PRKCE: variants seen among roughly 807,000 people sequenced by gnomAD.
PRKCE encodes protein kinase C epsilon type.
A neutral mutation model predicts 85.4 loss-of-function variants in PRKCE; 16 were observed. The observed-to-expected ratio is 0.19, with a 90% CI of 0.13 to 0.28. The LOEUF (loss-of-function observed/expected upper bound fraction) is 0.28. PRKCE is among the 10% of genes least tolerant of loss of function. PRKCE has a pLI of 1.00. For missense variants in PRKCE, 573 were observed against 975.2 expected, an observed-to-expected ratio of 0.59 and a Z score of 5.49; for synonymous variants, 388 against 371.5, an observed-to-expected ratio of 1.04 and a Z score of -0.51.
chr2:45,839,124 T>C (rs1284191487), intron 1 of PRKCE, among the ~76,000 whole-genome samples: 152 of 111,862 alleles, frequency 1.4e-3, no homozygotes, highest in African/African-American at 5.4e-3. Flanking sequence ...GGGTGCTTAG[T>C]TAAAAAAAAA....
At chr2:46,079,045 C>T (rs1250079166) in intron 10 of PRKCE, among the ~76,000 whole-genome samples, 1 of 151,900 alleles carries the variant, frequency 6.6e-6, no homozygotes. Context: ...GGTGTGGTGG[C>T]GTGTGCCTGT....
intron 14 of PRKCE, among the ~76,000 whole-genome samples, chr2:46,180,787 T>C (rs1471575378): frequency 6.6e-6 from 1 of 152,142 alleles, no homozygotes; most frequent in Non-Finnish European, 1.5e-5. Context: ...GTGTGACAGA[T>C]GGAAAGACCA....
chr2:45,935,116 T>A (rs1023218487), intron 2 of PRKCE, among the ~76,000 whole-genome samples: 1 of 151,258 alleles, frequency 6.6e-6, no homozygotes, highest in Non-Finnish European at 1.5e-5. Flanking sequence ...ATGGAAATCA[T>A]AGATAATGTT....
At chr2:46,170,905 C>A (rs1468186876) in intron 14 of PRKCE, among the ~76,000 whole-genome samples, 1 of 152,176 alleles carries the variant, frequency 6.6e-6, no homozygotes, top group African/African-American at 2.4e-5. Context: ...GGAACTGGGC[C>A]TTTGCCAGGG....
intron 10 of PRKCE, among the ~76,000 whole-genome samples, chr2:46,018,810 T>C (rs1706392424): frequency 6.6e-6 from 1 of 152,266 alleles, no homozygotes; most frequent in South Asian, 2.1e-4. Context: ...TCCTTGTCAC[T>C]AAATATTCTT....
At chr2:46,081,496 C>T (rs529421014) in intron 10 of PRKCE, among the ~76,000 whole-genome samples, 3 of 152,248 alleles carry the variant, frequency 2.0e-5, no homozygotes, top group South Asian at 2.1e-4. Flanking sequence ...AAATTAATTA[C>T]ACAAATAAAA....
rs537563822 is a variant in PRKCE, at chr2:45,686,082, C to T, written c.348+33634C>T. Among the ~76,000 whole-genome samples, 31 of 152,130 alleles carry T rather than the reference C, an allele frequency of 2.0e-4. 1 individual carries two copies. Among genetic ancestry groups the T allele is most frequent in the Middle Eastern group, 3.4e-3 (1 of 294 alleles). ...TATCTTGTATATGTCCTGTATAAAA[C>T]GCACAGCTGATCCTATGAAGCCTGG... On this transcript the variant is annotated intron_variant, in intron 1 of 14. Transcript: ENST00000306156.
intron 10 of PRKCE, among the ~76,000 whole-genome samples, chr2:46,054,263 A>G (rs1444342936): frequency 6.6e-6 from 1 of 152,212 alleles, no homozygotes; most frequent in African/African-American, 2.4e-5. Flanking sequence ...AGCTAGTGAG[A>G]TGGGCAGTGT....
chr2:46,010,598 A>C, intron 10 of PRKCE, 81 bp downstream of exon 10: 1 of 1,599,020 alleles, frequency 6.3e-7, no homozygotes, highest in Non-Finnish European at 8.5e-7. Flanking sequence ...GACCCTCTAC[A>C]TTGTTCTCTC....
At chr2:45,698,671 A>G (rs1466004727) in intron 1 of PRKCE, among the ~76,000 whole-genome samples, 1 of 152,174 alleles carries the variant, frequency 6.6e-6, no homozygotes, top group Admixed American at 6.5e-5. Flanking sequence ...GATGAGGTCC[A>G]GTTTTTAAAA....
intron 1 of PRKCE, among the ~76,000 whole-genome samples, chr2:45,680,916 C>T (rs1558550226): frequency 6.6e-6 from 1 of 152,172 alleles, no homozygotes; most frequent in African/African-American, 2.4e-5. Context: ...GTGTTCCAGG[C>T]CACCAGACCC....
chr2:45,811,137 G>A (rs1037028860), intron 1 of PRKCE, among the ~76,000 whole-genome samples: 2 of 152,174 alleles, frequency 1.3e-5, no homozygotes, highest in African/African-American at 2.4e-5. Flanking sequence ...AAATTCTGTT[G>A]TACAGGAGAA....
intron 1 of PRKCE, among the ~76,000 whole-genome samples, chr2:45,696,767 A>G (rs1678185883): frequency 6.6e-6 from 1 of 152,196 alleles, no homozygotes; most frequent in African/African-American, 2.4e-5. Context: ...ACAGAGTGAA[A>G]TCTGGCCACC....
chr2:45,965,009 C>G (rs1701639015), intron 2 of PRKCE, among the ~76,000 whole-genome samples: 1 of 152,162 alleles, frequency 6.6e-6, no homozygotes, highest in Non-Finnish European at 1.5e-5. Flanking sequence ...ACTTGAGATG[C>G]TAATCTTGAA....
chr2:45,997,781 A>T (rs1461122702), intron 6 of PRKCE, among the ~76,000 whole-genome samples: 2 of 152,220 alleles, frequency 1.3e-5, no homozygotes, highest in Non-Finnish European at 2.9e-5. Flanking sequence ...TCCTGACCTC[A>T]AGTGATCCAC....
chr2:46,072,442 C>G (rs555450642), intron 10 of PRKCE, among the ~76,000 whole-genome samples: 1 of 152,204 alleles, frequency 6.6e-6, no homozygotes, highest in Non-Finnish European at 1.5e-5. Flanking sequence ...AAATGGTTTA[C>G]TTGGTTCTGG....
chr2:45,858,152 T>C (rs1444301012), intron 2 of PRKCE, among the ~76,000 whole-genome samples: 2 of 152,218 alleles, frequency 1.3e-5, no homozygotes, highest in Non-Finnish European at 2.9e-5. Context: ...ATTACAGATG[T>C]TGCTCAGGCC....
At chr2:46,020,712 T>C (rs1377400704) in intron 10 of PRKCE, among the ~76,000 whole-genome samples, 1 of 152,192 alleles carries the variant, frequency 6.6e-6, no homozygotes, top group Non-Finnish European at 1.5e-5. Flanking sequence ...CACTACTTCA[T>C]TGATCAGGAG....
intron 1 of PRKCE, among the ~76,000 whole-genome samples, chr2:45,823,820 C>T (rs921968829): frequency 6.6e-6 from 1 of 152,254 alleles, no homozygotes; most frequent in Non-Finnish European, 1.5e-5. Context: ...ACAGAGGCAT[C>T]TGAGAGGCAT....
Sources: allele counts gnomAD v4.1 joint callset (sites outside exome capture counted in the v4.1 genomes callset), GRCh38; gene constraint gnomAD v4.1.1; transcripts MANE v1.5; gene names NCBI Gene and HGNC (gene_info 2026-07-23, HGNC 2026-07-21).